CACNA1C: variants seen among roughly 807,000 people sequenced by gnomAD.
CACNA1C encodes voltage-dependent L-type calcium channel subunit alpha-1C.
In CACNA1C, 30 loss-of-function variants were observed where a neutral mutation model predicts 229.0. The ratio of observed to expected loss-of-function variants is 0.13; its 90% CI spans 0.10 to 0.18. CACNA1C has a LOEUF of 0.18. Ranked by LOEUF, CACNA1C falls within the 10% of genes least tolerant of loss-of-function variation. The pLI, the probability that CACNA1C is intolerant of heterozygous loss-of-function variation, is 1.00. For synonymous variants in CACNA1C, 1,114 were observed against 1,132.5 expected (o/e 0.98, Z 0.33); for missense variants, 1,658 against 2,845.0 (o/e 0.58, Z 9.49).
At chr12:2,476,781 A>C (rs1244944055) in intron 5 of CACNA1C, among the ~76,000 whole-genome samples, 1 of 152,146 alleles carries the variant, frequency 6.6e-6, no homozygotes, top group Admixed American at 6.5e-5. Flanking sequence ...TCCTCATACC[A>C]TGTGTGGGAT....
chr12:2,264,572 T>C (rs2081580517), intron 3 of CACNA1C, among the ~76,000 whole-genome samples: 1 of 152,208 alleles, frequency 6.6e-6, no homozygotes, highest in South Asian at 2.1e-4. Flanking sequence ...ATGCTGTGGC[T>C]CAGAGATGGC....
chr12:2,193,000 G>A (rs1050179321), intron 3 of CACNA1C, among the ~76,000 whole-genome samples: 2 of 152,228 alleles, frequency 1.3e-5, no homozygotes, highest in African/African-American at 2.4e-5. Context: ...TCCCCACCTC[G>A]GATTCAAGAT....
intron 3 of CACNA1C, among the ~76,000 whole-genome samples, chr12:2,355,807 G>A (rs2097344657): frequency 6.6e-6 from 1 of 152,196 alleles, no homozygotes; most frequent in Non-Finnish European, 1.5e-5. Flanking sequence ...CGGGGATGCT[G>A]CTGAAGAGCC....
At chr12:2,266,073 G>T (rs1193192878) in intron 3 of CACNA1C, among the ~76,000 whole-genome samples, 1 of 152,208 alleles carries the variant, frequency 6.6e-6, no homozygotes, top group African/African-American at 2.4e-5. Flanking sequence ...TGCTATCAAA[G>T]AGCTCAGAAA....
chr12:2,265,658 C>T (rs1312073629), intron 3 of CACNA1C, among the ~76,000 whole-genome samples: 1 of 152,242 alleles, frequency 6.6e-6, no homozygotes, highest in Non-Finnish European at 1.5e-5. Flanking sequence ...ATCATCTTTT[C>T]TCTGCTGGGG....
At chr12:2,680,863 C>T (rs2097111189) in intron 42 of CACNA1C, among the ~76,000 whole-genome samples, 1 of 152,258 alleles carries the variant, frequency 6.6e-6, no homozygotes, top group Non-Finnish European at 1.5e-5. Context: ...TCCTTCAATT[C>T]ATGAGGCCTG....
In CACNA1C at chr12:2,611,955, T is replaced by C; in HGVS notation, c.3770T>C (p.Leu1257Pro). The part of the protein sequence containing the change: ...FKIAMNILNM[L>P]FTGLFTVEMI... ...ATCGCCATGAACATCCTCAACATGCTCTTCACTGGCCTCTTCACCGTGGAG... is the reference window on the plus strand; with the variant it reads ...ATCGCCATGAACATCCTCAACATGCCCTTCACTGGCCTCTTCACCGTGGAG... Residue 1257 changes from leucine to proline, a missense_variant, in exon 29 of 47, where the codon CTC (leucine) becomes CCC (proline). By Grantham distance (98) the Leu-to-Pro change is moderately conservative (BLOSUM62 -3). This residue lies in a region of CACNA1C where 67 missense variants were observed against 106.4 expected (regional missense o/e 0.63). Coordinates refer to ENST00000399655, the MANE Select transcript of CACNA1C (RefSeq NM_000719.7). The C allele has an allele frequency of 6.2e-7, 1 of 1,613,836 alleles. No homozygotes were observed.
intron 19 of CACNA1C, among the ~76,000 whole-genome samples, chr12:2,593,936 T>C (rs2066775088): frequency 6.6e-6 from 1 of 152,246 alleles, no homozygotes; most frequent in Non-Finnish European, 1.5e-5. Flanking sequence ...TCAGTGGGCC[T>C]CTACTTACCT....
At chr12:2,672,096 C>T (rs1041946425) in intron 38 of CACNA1C, 5 of 152,166 alleles carry the variant, frequency 3.3e-5, no homozygotes, top group East Asian at 3.9e-4. Context: ...GACTTCTCAG[C>T]GTGGAAGGAA....
intron 9 of CACNA1C, among the ~76,000 whole-genome samples, chr12:2,549,674 T>C (rs1316371491): frequency 1.3e-5 from 2 of 152,182 alleles, no homozygotes; most frequent in East Asian, 3.8e-4. Flanking sequence ...TTTTTCAGGA[T>C]GTGTCCTATG....
At chr12:2,672,421 A>T (rs568206816) in intron 38 of CACNA1C, among the ~76,000 whole-genome samples, 1 of 152,342 alleles carries the variant, frequency 6.6e-6, no homozygotes, top group Non-Finnish European at 1.5e-5. Flanking sequence ...AAATGATCAC[A>T]AACTGGGCAG....
At chr12:2,474,966 C>T (rs1032873548) in intron 5 of CACNA1C, among the ~76,000 whole-genome samples, 16 of 152,156 alleles carry the variant, frequency 1.1e-4, no homozygotes, top group Non-Finnish European at 2.1e-4. Context: ...AAGATAACAT[C>T]ATCAACATTT....
intron 1 of CACNA1C, among the ~76,000 whole-genome samples, chr12:2,098,151 A>G (rs1329737492): frequency 6.6e-6 from 1 of 152,222 alleles, no homozygotes; most frequent in Non-Finnish European, 1.5e-5. Context: ...GGAGGAGTCA[A>G]GATAACTTCA....
chr12:2,572,370 C>CCT (rs2055381803), intron 13 of CACNA1C, among the ~76,000 whole-genome samples: 2 of 1,772 alleles, frequency 1.1e-3, no homozygotes, highest in South Asian at 0.025. Context: ...TCCTCCTTCT[C>CCT]CTCTTCCTCC....
chr12:2,655,905 T>G (rs2095394768), intron 34 of CACNA1C, among the ~76,000 whole-genome samples: 1 of 152,188 alleles, frequency 6.6e-6, no homozygotes, highest in Non-Finnish European at 1.5e-5. Context: ...CCTTTCATGA[T>G]AAAAACTCTC....
At chr12:2,434,179 G>A (rs1008405199) in intron 3 of CACNA1C, among the ~76,000 whole-genome samples, 1 of 152,058 alleles carries the variant, frequency 6.6e-6, no homozygotes, top group African/African-American at 2.4e-5. Context: ...ATAACTATCT[G>A]TATAGGTTGT....
chr12:2,502,139 G>A (rs12367192), intron 7 of CACNA1C, among the ~76,000 whole-genome samples: 3,632 of 152,316 alleles, frequency 0.024, 69 homozygotes, highest in Admixed American at 0.044. Context: ...GGGACCCTGC[G>A]TGCTTCCTTC....
At chr12:2,097,599 G>C (rs991756946) in intron 1 of CACNA1C, among the ~76,000 whole-genome samples, 3 of 152,188 alleles carry the variant, frequency 2.0e-5, no homozygotes, top group African/African-American at 7.2e-5. Flanking sequence ...CGTCCTAAGG[G>C]GTTTGAAGAG....
intron 1 of CACNA1C, among the ~76,000 whole-genome samples, chr12:2,069,925 C>G (rs529360525): frequency 6.6e-6 from 1 of 152,274 alleles, no homozygotes; most frequent in South Asian, 2.1e-4. Flanking sequence ...TCAAGCAATC[C>G]TCCTGAGTAG....
Sources: gnomAD v4.1 joint callset for allele counts (sites outside exome capture counted in the v4.1 genomes callset) on GRCh38, gnomAD v4.1.1 for gene constraint, gnomAD v4.1.1 regional missense constraint, MANE v1.5 for transcripts, NCBI Gene and HGNC (gene_info 2026-07-23, HGNC 2026-07-21) for gene names.